FGF9: variants seen among roughly 807,000 people sequenced by gnomAD.
FGF9 encodes the protein fibroblast growth factor 9 (glia-activating factor).
FGF9 carries 3 observed loss-of-function variants against 19.9 expected under a neutral mutation model. The ratio of observed to expected loss-of-function variants is 0.15; its 90% CI spans 0.07 to 0.39. The LOEUF (loss-of-function observed/expected upper bound fraction) is 0.39, where lower values mean the gene tolerates loss of function less well. FGF9 is among the 10% of genes least tolerant of loss of function. The pLI is 1.00. For missense variants in FGF9, 175 were observed against 256.8 expected, an observed-to-expected ratio of 0.68 and a Z score of 2.18; for synonymous variants, 107 against 106.9, an observed-to-expected ratio of 1.00 and a Z score of -0.01.
rs1244719793 is a variant in FGF9 at position 21,703,108 on chromosome 13, G to A, written c.*1673G>A. On this transcript the variant is annotated 3_prime_UTR_variant, in exon 3 of 3. Coordinates refer to ENST00000382353, the MANE Select transcript of FGF9 (RefSeq NM_002010.3). ...CTTAAAGCAATATTTAAGAAAAAAG[G>A]AATTTATAACAAATTCTCATCTACA... 6.6e-6 allele frequency: 1 copy of A among 152,198 alleles called. No individual in the cohort carries two copies. Among genetic ancestry groups the A allele is most frequent in the Admixed American group, 6.5e-5 (1 of 15,270 alleles). The allele number at this position is 152,198 out of a possible 1,614,324, so 9.4% of individuals were successfully genotyped here. A position where few individuals can be genotyped will look rare whatever the true frequency, so the allele number is the denominator to read the frequency against.
chr13:21,674,826 C>T (rs958079101), intron 1 of FGF9, among the ~76,000 whole-genome samples: 1 of 151,446 alleles, frequency 6.6e-6, no homozygotes, highest in African/African-American at 2.4e-5. Context: ...GGGGGCCACG[C>T]GGGAGGGGAG....
intron 2 of FGF9, among the ~76,000 whole-genome samples, chr13:21,693,795 G>A (rs1311062488): frequency 1.3e-5 from 2 of 152,134 alleles, no homozygotes; most frequent in Non-Finnish European, 2.9e-5. Context: ...TGGGGCCAAA[G>A]TGGCTGTCTT....
In FGF9 at chr13:21,671,251, C is replaced by G. The variant is rs916733919; in HGVS notation, c.-662C>G. 8.0e-6 allele frequency: 2 copies of G among 250,476 alleles called. No homozygotes were observed. The highest frequency in any genetic ancestry group is 1.5e-5 in the Non-Finnish European group (2 of 132,940). 15.5% of individuals were successfully genotyped at this position (250,476 alleles called of 1,614,324 possible). On this transcript the variant is annotated 5_prime_UTR_variant, in exon 1 of 3. Transcript: ENST00000382353. ...CTAAGCCAATGGACATCTGCCGAGCCTCTGGAGAATCCTGGATACTAGCTT... is the reference window on the plus strand; with the variant it reads ...CTAAGCCAATGGACATCTGCCGAGCGTCTGGAGAATCCTGGATACTAGCTT...
At chr13:21,674,122 C>A in intron 1 of FGF9, 1 of 152,698 alleles carries the variant, frequency 6.5e-6, no homozygotes, top group Non-Finnish European at 1.5e-5. Context: ...AGCCGCCGCC[C>A]TGGGCTGCAC....
chr13:21,686,283 C>A (rs971355719), intron 2 of FGF9, among the ~76,000 whole-genome samples: 1 of 152,178 alleles, frequency 6.6e-6, no homozygotes, highest in African/African-American at 2.4e-5. Flanking sequence ...CCAGCCTCAC[C>A]CTTCCAAAGT....
intron 2 of FGF9, among the ~76,000 whole-genome samples, chr13:21,687,325 T>C (rs1872184777): frequency 6.6e-6 from 1 of 152,212 alleles, no homozygotes; most frequent in African/African-American, 2.4e-5. Context: ...ATGAAGTACC[T>C]CAGATCCTTA....
intron 2 of FGF9, chr13:21,681,349 A>G: frequency 2.1e-6 from 1 of 475,670 alleles, no homozygotes; most frequent in East Asian, 3.4e-5. Flanking sequence ...TGCTAAGAAA[A>G]TGCTTTATTT....
intron 2 of FGF9, 62 bp downstream of exon 2, chr13:21,681,207 T>C: frequency 8.0e-7 from 1 of 1,249,852 alleles, no homozygotes; most frequent in Non-Finnish European, 1.2e-6. Flanking sequence ...AGCTGTCTTT[T>C]CTCTGGATTA....
intron 2 of FGF9, among the ~76,000 whole-genome samples, chr13:21,683,021 T>G (rs1338883388): frequency 1.3e-5 from 2 of 152,204 alleles, no homozygotes; most frequent in African/African-American, 2.4e-5. Context: ...AAGTAAACAA[T>G]TTTAAAGAAT....
chr13:21,694,058 A>G (rs1042053739), intron 2 of FGF9, among the ~76,000 whole-genome samples: 1 of 152,122 alleles, frequency 6.6e-6, no homozygotes, highest in Non-Finnish European at 1.5e-5. Flanking sequence ...CCAAGACTGA[A>G]TCACTAGAAT....
At chr13:21,676,703 G>A (rs1352379119) in intron 1 of FGF9, among the ~76,000 whole-genome samples, 1 of 152,178 alleles carries the variant, frequency 6.6e-6, no homozygotes, top group Non-Finnish European at 1.5e-5. Flanking sequence ...TGCCCCTCTC[G>A]ACAGTCTGCC....
chr13:21,679,016 G>T lies in FGF9; in HGVS notation c.278-2026G>T, dbSNP rs17070155. 4.7e-3 allele frequency among the ~76,000 whole-genome samples: 715 copies of T among 152,214 alleles called. 15 individuals are homozygous for T. In the East Asian group the frequency reaches 0.051, roughly 11 times the overall value. On this transcript the variant is annotated intron_variant, in intron 1 of 2. Transcript: ENST00000382353. ...CAATGAAATAAAATGCATCAAAAAG[G>T]GAGTGCATCTCATGAAAAATGAATC...
Position 21,672,144 on chromosome 13 carries a change from C to T in FGF9, c.232C>T (p.Pro78Ser). The T allele has an allele frequency of 6.2e-7, 1 of 1,614,168 alleles. No individual in the cohort carries two copies. Among genetic ancestry groups the T allele is most frequent in the Non-Finnish European group, 8.5e-7 (1 of 1,180,036 alleles). Residue 78 changes from proline (P) to serine (S), a missense_variant, in exon 1 of 3, where the codon CCC (proline) becomes TCC (serine). This residue lies in a region of FGF9 where 101 missense variants were observed against 160.7 expected (regional missense o/e 0.63). Coordinates refer to ENST00000382353, the MANE Select transcript of FGF9 (RefSeq NM_002010.3). The surrounding 1 kb of genome is among the most constrained non-coding windows in gnomAD (Gnocchi z 4.2). ...GACTGGATTTCACTTAGAAATCTTC[C>T]CCAATGGTACTATCCAGGGAACCAG... Reference protein sequence around the residue: ...CRTGFHLEIFPNGTIQGTRKD... With the variant: ...CRTGFHLEIFSNGTIQGTRKD...
At chr13:21,698,737 G>C (rs571238108) in intron 2 of FGF9, among the ~76,000 whole-genome samples, 1 of 152,184 alleles carries the variant, frequency 6.6e-6, no homozygotes, top group Non-Finnish European at 1.5e-5. Flanking sequence ...GGAGGAGGAA[G>C]TGTTCTACAT....
intron 2 of FGF9, among the ~76,000 whole-genome samples, chr13:21,686,448 T>C (rs1872160257): frequency 6.6e-6 from 1 of 152,198 alleles, no homozygotes; most frequent in Non-Finnish European, 1.5e-5. Flanking sequence ...GAATTGACCT[T>C]TTCTTTAAAA....
chr13:21,689,061 T>C (rs1440235516), intron 2 of FGF9, among the ~76,000 whole-genome samples: 1 of 152,222 alleles, frequency 6.6e-6, no homozygotes, highest in Non-Finnish European at 1.5e-5. Flanking sequence ...AATATTGTCG[T>C]GGGTTCCCAG....
At chr13:21,683,641 G>A (rs1012894002) in intron 2 of FGF9, among the ~76,000 whole-genome samples, 6 of 152,198 alleles carry the variant, frequency 3.9e-5, no homozygotes, top group Non-Finnish European at 5.9e-5. Context: ...CTCTTCTTCC[G>A]TGTGTGCTTG....
intron 2 of FGF9, among the ~76,000 whole-genome samples, chr13:21,681,810 C>T (rs1294591949): frequency 2.0e-5 from 3 of 152,148 alleles, no homozygotes; most frequent in Non-Finnish European, 4.4e-5. Context: ...CACTCTGTGG[C>T]GGGGACTAAC....
rs575370822 is a variant in FGF9 at position 21,672,946 on chromosome 13, C to A, written c.277+757C>A. Among the ~76,000 whole-genome samples, 1 of 152,262 alleles carries A rather than the reference C, an allele frequency of 6.6e-6. No homozygotes were observed. Among genetic ancestry groups the A allele is most frequent in the South Asian group, 2.1e-4 (1 of 4,822 alleles). ...AGTGTGTGCGCGCGTGCAAACGCTG[C>A]GAGCGAATTTTAAAGGGCATTCCGA... On this transcript the variant is annotated intron_variant, in intron 1 of 2. Coordinates refer to ENST00000382353, the MANE Select transcript of FGF9 (RefSeq NM_002010.3). The surrounding 1 kb of genome is among the most constrained non-coding windows in gnomAD (Gnocchi z 4.2).
Sources: allele counts gnomAD v4.1 joint callset (sites outside exome capture counted in the v4.1 genomes callset), GRCh38; gene constraint gnomAD v4.1.1; regional missense constraint gnomAD v4.1.1; non-coding constraint Gnocchi (gnomAD v3.1); transcripts MANE v1.5; gene names NCBI Gene and HGNC (gene_info 2026-07-23, HGNC 2026-07-21).